Variants in MBD5 observed in about 807,000 individuals in gnomAD.
MBD5 encodes the protein methyl-CpG binding domain protein 5, also known as methyl-CpG-binding domain protein 5.
A neutral mutation model predicts 117.3 loss-of-function variants in MBD5; 13 were observed. That is an observed-to-expected ratio of 0.11 (90% CI 0.07 to 0.18). The LOEUF (loss-of-function observed/expected upper bound fraction) is 0.18. Among genes scored for constraint, MBD5 ranks in the 10% least tolerant of loss-of-function variants. The pLI is 1.00. For missense variants in MBD5, 1,879 were observed against 2,093.8 expected (o/e 0.90, Z 2.00); for synonymous variants, 727 against 766.4 (o/e 0.95, Z 0.85).
chr2:148,363,171 T>C (rs1703590168), intron 4 of MBD5, among the ~76,000 whole-genome samples: 1 of 152,102 alleles, frequency 6.6e-6, no homozygotes. Flanking sequence ...CTTCAGAAAG[T>C]GGGTAATAAC....
At chr2:148,292,477 A>G (rs1366859101) in intron 3 of MBD5, among the ~76,000 whole-genome samples, 1 of 152,240 alleles carries the variant, frequency 6.6e-6, no homozygotes, top group Non-Finnish European at 1.5e-5. Flanking sequence ...AGGGTGTTCA[A>G]TCATTAATCA....
intron 4 of MBD5, among the ~76,000 whole-genome samples, chr2:148,354,490 C>G (rs1703324775): frequency 6.6e-6 from 1 of 152,118 alleles, no homozygotes; most frequent in African/African-American, 2.4e-5. Context: ...GTATATTTGC[C>G]ACATTTTCTT....
At chr2:148,353,372 T>A (rs1001289632) in intron 4 of MBD5, among the ~76,000 whole-genome samples, 4 of 152,156 alleles carry the variant, frequency 2.6e-5, no homozygotes, top group African/African-American at 9.6e-5. Context: ...AATTTTCCCA[T>A]GTAAGCCTCG....
chr2:148,212,364 A>G (rs571109646), intron 2 of MBD5, among the ~76,000 whole-genome samples: 6 of 152,314 alleles, frequency 3.9e-5, no homozygotes, highest in African/African-American at 1.4e-4. Context: ...CACTCATGGT[A>G]ATGTTTTCAA....
intron 3 of MBD5, among the ~76,000 whole-genome samples, chr2:148,249,230 TA>T (rs973599729): frequency 2.0e-5 from 3 of 152,252 alleles, no homozygotes; most frequent in African/African-American, 7.2e-5. Context: ...GAAAAAGAAT[TA>T]TTACAAGTTA....
chr2:148,366,136 G>A (rs1703689061), intron 4 of MBD5, among the ~76,000 whole-genome samples: 1 of 152,116 alleles, frequency 6.6e-6, no homozygotes, highest in African/African-American at 2.4e-5. Context: ...CCATGATCGA[G>A]TCGACTTCAT....
At chr2:148,046,052 C>T (rs572584724) in intron 1 of MBD5, among the ~76,000 whole-genome samples, 2 of 134,826 alleles carry the variant, frequency 1.5e-5, no homozygotes, top group East Asian at 5.0e-4. Context: ...GGTGCAATCT[C>T]GGCTCACCAC....
At chr2:148,502,558 C>CG in intron 12 of MBD5, 49 bp downstream of exon 12, 1 of 1,544,616 alleles carries the variant, frequency 6.5e-7, no homozygotes, top group Admixed American at 1.7e-5. Context: ...ATATAATTTA[C>CG]TGTTTTTCCA....
chr2:148,492,980 G>A (rs947056332), intron 11 of MBD5, among the ~76,000 whole-genome samples: 1 of 151,116 alleles, frequency 6.6e-6, no homozygotes, highest in African/African-American at 2.5e-5. Flanking sequence ...GCCCAAGAAT[G>A]TTGGATAAAG....
At chr2:148,491,756 A>C (rs1399894473) in intron 11 of MBD5, among the ~76,000 whole-genome samples, 1 of 152,118 alleles carries the variant, frequency 6.6e-6, no homozygotes, top group Middle Eastern at 3.4e-3. Flanking sequence ...TTTATTCTCT[A>C]TACTCTCTGA....
intron 1 of MBD5, among the ~76,000 whole-genome samples, chr2:148,175,651 G>C (rs1698367138): frequency 6.6e-6 from 1 of 152,132 alleles, no homozygotes; most frequent in African/African-American, 2.4e-5. Context: ...ACTGGATGGG[G>C]CCTTCAGAAA....
intron 4 of MBD5, among the ~76,000 whole-genome samples, chr2:148,412,504 G>A (rs1287816643): frequency 6.6e-6 from 1 of 151,976 alleles, no homozygotes; most frequent in Non-Finnish European, 1.5e-5. Flanking sequence ...GACTGTCATT[G>A]GTAGTTTTGT....
At chr2:148,076,956 C>CA (rs1407406958) in intron 1 of MBD5, among the ~76,000 whole-genome samples, 1 of 152,164 alleles carries the variant, frequency 6.6e-6, no homozygotes, top group Non-Finnish European at 1.5e-5. Flanking sequence ...TTGTGTGTCC[C>CA]ATAAGCTAAG....
intron 2 of MBD5, among the ~76,000 whole-genome samples, chr2:148,232,120 G>A (rs1325388936): frequency 6.6e-6 from 1 of 152,278 alleles, no homozygotes; most frequent in East Asian, 1.9e-4. Flanking sequence ...AAAGGTCAAA[G>A]ACTTAAATCA....
At chr2:148,485,566 A>G (rs1194725593) in intron 9 of MBD5, 176 bp from the exon 10 acceptor site, 3 of 608,800 alleles carry the variant, frequency 4.9e-6, no homozygotes, top group Non-Finnish European at 8.7e-6. Flanking sequence ...ATAAAACTAA[A>G]TAATAAAGCT....
At chr2:148,116,504 G>T (rs12691774) in intron 1 of MBD5, among the ~76,000 whole-genome samples, 63,443 of 152,012 alleles carry the variant, frequency 0.42, 13,423 homozygotes, top group Middle Eastern at 0.55. Flanking sequence ...CAGATTAACT[G>T]AGCTTAAAAA....
intron 3 of MBD5, among the ~76,000 whole-genome samples, chr2:148,291,048 T>C (rs1009332913): frequency 2.0e-5 from 3 of 152,220 alleles, no homozygotes; most frequent in Non-Finnish European, 4.4e-5. Context: ...GTCTATTCCA[T>C]TGATCTGTAT....
intron 4 of MBD5, among the ~76,000 whole-genome samples, chr2:148,399,429 T>G (rs1010314757): frequency 6.6e-6 from 1 of 152,046 alleles, no homozygotes; most frequent in Non-Finnish European, 1.5e-5. Context: ...TGAATGGGAG[T>G]TCACTCATGA....
intron 2 of MBD5, among the ~76,000 whole-genome samples, chr2:148,182,522 A>G (rs1663979691): frequency 6.6e-6 from 1 of 152,180 alleles, no homozygotes; most frequent in South Asian, 2.1e-4. Flanking sequence ...TGGTTTTATA[A>G]TTAAGATTAC....
Sources: allele counts gnomAD v4.1 joint callset (sites outside exome capture counted in the v4.1 genomes callset), GRCh38; gene constraint gnomAD v4.1.1; transcripts MANE v1.5; gene names NCBI Gene and HGNC (gene_info 2026-07-23, HGNC 2026-07-21).